Variants in SRGAP3 observed in about 807,000 individuals in gnomAD.
SRGAP3 encodes the protein SLIT-ROBO Rho GTPase-activating protein 3.
A neutral mutation model predicts 121.1 loss-of-function variants in SRGAP3; 39 were observed. That is an observed-to-expected ratio of 0.32 (90% CI 0.25 to 0.42). The LOEUF is 0.42. Among genes scored for constraint, SRGAP3 ranks in the 10% least tolerant of loss-of-function variants. SRGAP3 has a pLI of 1.00. For missense variants in SRGAP3, 1,213 were observed against 1,470.6 expected (o/e 0.82, Z 2.86); for synonymous variants, 601 against 570.0 (o/e 1.05, Z -0.77).
intron 1 of SRGAP3, among the ~76,000 whole-genome samples, chr3:9,348,291 TAAGG>T (rs1339521484): frequency 1.3e-5 from 2 of 151,802 alleles, no homozygotes; most frequent in African/African-American, 4.8e-5. Flanking sequence ...ATGCAATGAC[TAAGG>T]AAGAGAGAAA....
intron 9 of SRGAP3, among the ~76,000 whole-genome samples, chr3:9,052,510 T>G (rs1945626631): frequency 6.6e-6 from 1 of 152,142 alleles, no homozygotes; most frequent in Non-Finnish European, 1.5e-5. Context: ...AAACACATGT[T>G]GAACTAAAGC....
chr3:9,133,386 AAGC>A (rs1266542026), intron 1 of SRGAP3, among the ~76,000 whole-genome samples: 3 of 152,192 alleles, frequency 2.0e-5, no homozygotes, highest in African/African-American at 7.2e-5. Flanking sequence ...TGTTAGGCTG[AAGC>A]GGGAGAATTG....
intron 1 of SRGAP3, among the ~76,000 whole-genome samples, chr3:9,217,186 T>C (rs1560439177): frequency 6.6e-6 from 1 of 151,574 alleles, no homozygotes; most frequent in African/African-American, 2.4e-5. Context: ...TTCGACACAA[T>C]AAAAAAAAAT....
intron 3 of SRGAP3, among the ~76,000 whole-genome samples, chr3:9,312,568 T>C (rs1195399464): frequency 2.0e-5 from 3 of 152,196 alleles, no homozygotes; most frequent in East Asian, 3.9e-4. Context: ...AGACATTGGG[T>C]AGGTCACTGG....
intron 3 of SRGAP3, among the ~76,000 whole-genome samples, chr3:9,313,000 A>T (rs1052867994): frequency 6.6e-6 from 1 of 151,934 alleles, no homozygotes; most frequent in African/African-American, 2.4e-5. Context: ...TCTAAAAATA[A>T]ATAAATAAAA....
Position 9,013,390 on chromosome 3 carries a change from GGAT to G in SRGAP3, c.2062_2064del (p.Ile688del). 1 of 1,614,148 alleles carries G rather than the reference GGAT, an allele frequency of 6.2e-7. No individual in the cohort carries two copies. The highest frequency in any genetic ancestry group is 8.5e-7 in the Non-Finnish European group (1 of 1,180,032). On this transcript the variant is annotated inframe_deletion, in exon 17 of 22. Transcript: ENST00000383836. Reference sequence around the variant, plus strand: ...GGGCTGGGGAAGATGGCTTCATGATGGATGATGATGGTTTTGATGACTTCATTG... The same window carrying G: ...GGGCTGGGGAAGATGGCTTCATGATGGATGATGGTTTTGATGACTTCATTG...
At chr3:9,352,088 CT>C (rs1452997282) in intron 1 of SRGAP3, among the ~76,000 whole-genome samples, 1 of 152,100 alleles carries the variant, frequency 6.6e-6, no homozygotes, top group Non-Finnish European at 1.5e-5. Flanking sequence ...CTAATCGACA[CT>C]CTGTTTCTGA....
chr3:9,154,243 CT>C (rs1197615767), intron 1 of SRGAP3, among the ~76,000 whole-genome samples: 2 of 152,134 alleles, frequency 1.3e-5, no homozygotes, highest in East Asian at 3.9e-4. Context: ...TCCTCCTTGC[CT>C]TTTTCATTGG....
At chr3:9,073,965 G>A (rs2125244054) in intron 4 of SRGAP3, among the ~76,000 whole-genome samples, 1 of 152,282 alleles carries the variant, frequency 6.6e-6, no homozygotes, top group South Asian at 2.1e-4. Context: ...CAGGAGACAT[G>A]CTTCTTCCTG....
At chr3:9,114,482 A>G (rs1051851160) in intron 2 of SRGAP3, among the ~76,000 whole-genome samples, 6 of 152,170 alleles carry the variant, frequency 3.9e-5, no homozygotes, top group Admixed American at 2.0e-4. Context: ...TTCAATGCTC[A>G]GTGCAAATGT....
At chr3:9,318,291 A>T (rs1046253575) in intron 3 of SRGAP3, among the ~76,000 whole-genome samples, 3 of 151,664 alleles carry the variant, frequency 2.0e-5, no homozygotes, top group African/African-American at 4.8e-5. Flanking sequence ...TTTCTGGGCC[A>T]CACTGGGAAC....
intron 1 of SRGAP3, among the ~76,000 whole-genome samples, chr3:9,213,758 C>T (rs1266150732): frequency 6.6e-6 from 1 of 152,236 alleles, no homozygotes; most frequent in East Asian, 1.9e-4. Context: ...ACCTCTCCCA[C>T]TTCTTGTGAC....
chr3:9,249,053 T>C lies in SRGAP3; in HGVS notation c.-102A>G. The C allele has an allele frequency of 8.5e-7, 1 of 1,183,110 alleles. No individual in the cohort carries two copies. Among genetic ancestry groups the C allele is most frequent in the East Asian group, 2.4e-5 (1 of 41,932 alleles). The allele number at this position is 1,183,110 out of a possible 1,614,324, so 73.3% of individuals were successfully genotyped here. A position where few individuals can be genotyped will look rare whatever the true frequency, so the allele number is the denominator to read the frequency against. On this transcript the variant is annotated 5_prime_UTR_variant, in exon 1 of 22. Transcript: ENST00000383836. Reference sequence around the variant, plus strand: ...TGGTAATCACACAGCTCTGGTCGATTTCACAGGTTTAGGGACTAATCTCTT... The same window carrying C: ...TGGTAATCACACAGCTCTGGTCGATCTCACAGGTTTAGGGACTAATCTCTT...
chr3:9,073,028 G>C (rs1946793706), intron 4 of SRGAP3, among the ~76,000 whole-genome samples: 4 of 152,214 alleles, frequency 2.6e-5, no homozygotes, highest in Admixed American at 2.6e-4. Flanking sequence ...AACACTGCTT[G>C]ATTTTCACTT....
intron 9 of SRGAP3, among the ~76,000 whole-genome samples, chr3:9,052,349 A>C (rs1165608966): frequency 2.6e-5 from 4 of 152,208 alleles, no homozygotes; most frequent in African/African-American, 9.6e-5. Flanking sequence ...CAATGCAAAC[A>C]AAAGGGCTGT....
intron 17 of SRGAP3, among the ~76,000 whole-genome samples, chr3:9,010,887 C>T (rs1943335847): frequency 6.6e-6 from 1 of 152,188 alleles, no homozygotes; most frequent in African/African-American, 2.4e-5. Flanking sequence ...GATGCAGGCA[C>T]TGAGAGTAGA....
intron 2 of SRGAP3, among the ~76,000 whole-genome samples, chr3:9,116,355 A>G (rs189188418): frequency 6.6e-6 from 1 of 152,374 alleles, no homozygotes; most frequent in East Asian, 1.9e-4. Flanking sequence ...TGGTTAATTC[A>G]GCCATTCACT....
chr3:9,301,951 T>C (rs1955065715), intron 3 of SRGAP3, among the ~76,000 whole-genome samples: 1 of 152,192 alleles, frequency 6.6e-6, no homozygotes, highest in South Asian at 2.1e-4. Flanking sequence ...GGTGAGTGAA[T>C]AGGCGAGGAG....
intron 18 of SRGAP3, among the ~76,000 whole-genome samples, chr3:9,001,715 G>C (rs1162307293): frequency 6.6e-6 from 1 of 152,102 alleles, no homozygotes; most frequent in South Asian, 2.1e-4. Flanking sequence ...AAAGTGAAAG[G>C]ATGGAAAAAT....
Sources: allele counts gnomAD v4.1 joint callset (sites outside exome capture counted in the v4.1 genomes callset), GRCh38; gene constraint gnomAD v4.1.1; transcripts MANE v1.5; gene names NCBI Gene and HGNC (gene_info 2026-07-23, HGNC 2026-07-21).